Variants in DENND3 observed in about 807,000 individuals in gnomAD.
DENND3 encodes DENN domain containing 3.
DENND3 carries 88 observed loss-of-function variants against 135.1 expected under a neutral mutation model. The ratio of observed to expected loss-of-function variants is 0.65; its 90% CI spans 0.55 to 0.78. The LOEUF (loss-of-function observed/expected upper bound fraction) is 0.78. Among genes scored for constraint, DENND3 ranks in the 30% least tolerant of loss-of-function variants. The pLI is 0.00. For missense variants in DENND3, 1,392 were observed against 1,688.4 expected (o/e 0.82, Z 3.08); for synonymous variants, 693 against 712.3 (o/e 0.97, Z 0.43).
intron 16 of DENND3, among the ~76,000 whole-genome samples, chr8:141,178,778 G>A (rs1822724408): frequency 1.3e-5 from 2 of 152,186 alleles, no homozygotes; most frequent in African/African-American, 4.8e-5. Flanking sequence ...TCTGGCTCTC[G>A]CATTCTGGAA....
chr8:141,151,553 G>T, intron 6 of DENND3, 66 bp from the exon 7 acceptor site: 1 of 1,483,280 alleles, frequency 6.7e-7, no homozygotes, highest in South Asian at 1.2e-5. Context: ...GCAACACAGC[G>T]AGACCCTGTC....
chr8:141,173,916 A>G (rs915759735), intron 13 of DENND3, among the ~76,000 whole-genome samples: 33 of 152,160 alleles, frequency 2.2e-4, no homozygotes, highest in African/African-American at 7.7e-4. Flanking sequence ...GTGGGACCCC[A>G]TATAGAGTGG....
At chr8:141,193,941 C>T in intron 22 of DENND3, 92 bp from the exon 23 acceptor site, 1 of 1,363,322 alleles carries the variant, frequency 7.3e-7, no homozygotes, top group Non-Finnish European at 1.0e-6. Flanking sequence ...GATTTGGAGG[C>T]ACACGCGTCA....
chr8:141,160,047 G>C (rs1819933378), intron 8 of DENND3, among the ~76,000 whole-genome samples: 1 of 152,242 alleles, frequency 6.6e-6, no homozygotes, highest in South Asian at 2.1e-4. Context: ...GACCTAGAAG[G>C]GGGAGTGCCC....
At chr8:141,151,546 A>T in intron 6 of DENND3, 73 bp from the exon 7 acceptor site, 4 of 1,442,572 alleles carry the variant, frequency 2.8e-6, no homozygotes, top group Non-Finnish European at 3.9e-6. Context: ...GGGCTGGGCA[A>T]CACAGCGAGA....
At chr8:141,132,290 G>A (rs933906907) in intron 1 of DENND3, among the ~76,000 whole-genome samples, 1 of 152,168 alleles carries the variant, frequency 6.6e-6, no homozygotes, top group African/African-American at 2.4e-5. Flanking sequence ...TCCACCCTGT[G>A]CAAAGTGTGT....
intron 18 of DENND3, chr8:141,188,638 C>T (rs1010673032): frequency 4.7e-6 from 1 of 214,066 alleles, no homozygotes; most frequent in Non-Finnish European, 9.2e-6. Flanking sequence ...GCATGGAGCT[C>T]CCTAAGCACA....
chr8:141,166,690 A>C lies in DENND3; in HGVS notation c.1753+301A>C, dbSNP rs892283864. ...TGTATGTGTGGATTGCATGTGTATA[A>C]ATACATATTTACACATCCACACGTG... On this transcript the variant is annotated intron_variant, in intron 12 of 22. Transcript: ENST00000519811. This position sits in a 1 kb window ranked among gnomAD's most constrained non-coding sequence, Gnocchi z 4.3. Among the ~76,000 whole-genome samples, 10 of 152,104 alleles carry C rather than the reference A, an allele frequency of 6.6e-5. No individual in the cohort carries two copies. The highest frequency in any genetic ancestry group is 2.4e-4 in the African/African-American group (10 of 41,406).
chr8:141,164,677 C>A (rs955685505), intron 10 of DENND3, among the ~76,000 whole-genome samples: 1 of 152,204 alleles, frequency 6.6e-6, no homozygotes, highest in Non-Finnish European at 1.5e-5. Flanking sequence ...CTTAGGGAGA[C>A]CCTGATGCAG....
intron 7 of DENND3, among the ~76,000 whole-genome samples, chr8:141,152,145 AC>A (rs1818864337): frequency 6.6e-6 from 1 of 151,848 alleles, no homozygotes; most frequent in Admixed American, 6.6e-5. Context: ...TACTGTTGTG[AC>A]CCCTCTGTGA....
At chr8:141,185,049 C>T in intron 17 of DENND3, 90 bp from the exon 18 acceptor site, 1 of 1,520,686 alleles carries the variant, frequency 6.6e-7, no homozygotes, top group Non-Finnish European at 8.9e-7. Flanking sequence ...CTTAGGAGGG[C>T]CCAGGAGGCA....
chr8:141,136,482 A>G (rs1424294929), intron 1 of DENND3, 27 bp from the exon 2 acceptor site: 3 of 1,524,912 alleles, frequency 2.0e-6, no homozygotes, highest in South Asian at 1.2e-5. Context: ...AGGCTGTGGC[A>G]GTAACTCTTA....
rs188273728 is a variant in DENND3 at position 141,174,936 on chromosome 8, C to T, written c.2276-264C>T. 6.6e-5 allele frequency among the ~76,000 whole-genome samples: 10 copies of T among 152,314 alleles called. No individual in the cohort carries two copies. In the East Asian group the frequency reaches 7.7e-4, roughly 12 times the overall value. On this transcript the variant is annotated intron_variant, in intron 13 of 22. Coordinates refer to ENST00000519811, the MANE Select transcript of DENND3 (RefSeq NM_001352890.3). This position sits in a 1 kb window ranked among gnomAD's most constrained non-coding sequence, Gnocchi z 4.6. ...TGCTGTGACTACCTGAAGCAGGTCC[C>T]GTGGCCATCCCAGAGCGGGCGGCTG...
chr8:141,181,960 T>C (rs1823180569), intron 17 of DENND3, among the ~76,000 whole-genome samples: 1 of 151,982 alleles, frequency 6.6e-6, no homozygotes, highest in Non-Finnish European at 1.5e-5. Flanking sequence ...AACCAGGTGA[T>C]TTTAAAAATT....
rs760101212 is a variant in DENND3, at chr8:141,165,267, G to A, written c.1531G>A (p.Asp511Asn). Residue 511 changes from aspartate (D) to asparagine (N), a missense_variant, in exon 11 of 23, where the codon GAC becomes AAC. Coordinates refer to ENST00000519811, the MANE Select transcript of DENND3 (RefSeq NM_001352890.3). ...RMDAFAQMDL[D>N]TQSEEDRING... ...GGACGCCTTTGCTCAGATGGACCTC[G>A]ACACCCAGTCGGAGGAGGACAGGTG... The A allele has an allele frequency of 3.7e-6, 6 of 1,614,104 alleles. No individual in the cohort carries two copies. Among genetic ancestry groups the A allele is most frequent in the South Asian group, 2.2e-5 (2 of 91,068 alleles).
chr8:141,151,303 G>A (rs307745), intron 6 of DENND3, among the ~76,000 whole-genome samples: 8,816 of 152,222 alleles, frequency 0.058, 861 homozygotes, highest in African/African-American at 0.2. Flanking sequence ...GCTCATGCCT[G>A]TAATCCCAGT....
At chr8:141,187,965 T>C (rs1056204536) in intron 18 of DENND3, among the ~76,000 whole-genome samples, 1 of 151,762 alleles carries the variant, frequency 6.6e-6, no homozygotes, top group African/African-American at 2.4e-5. Context: ...AGCAGGAGGA[T>C]TGCTTGAGTC....
intron 18 of DENND3, among the ~76,000 whole-genome samples, chr8:141,186,606 G>A (rs1373185189): frequency 6.6e-6 from 1 of 152,198 alleles, no homozygotes; most frequent in African/African-American, 2.4e-5. Context: ...TTCTTCCACT[G>A]TGGCTCAGGG....
At position 141,157,593 on chromosome 8, in the gene DENND3, C is replaced by G. The variant is rs759882502; in HGVS notation, c.1196+1623C>G. 9.8e-5 allele frequency: 97 copies of G among 985,902 alleles called. 1 individual carries two copies. In the Middle Eastern group the frequency reaches 3.1e-3, roughly 32 times the overall value. The allele number at this position is 985,902 out of a possible 1,614,324, so 61.1% of individuals were successfully genotyped here. On this transcript the variant is annotated intron_variant, in intron 8 of 22. Transcript: ENST00000519811. ...AGTCTGGATTTCAGTCAGCCATCAC[C>G]TTTCTTCTCTTCGCCTTCCTTTGTC...
Sources: gnomAD v4.1 joint callset for allele counts (sites outside exome capture counted in the v4.1 genomes callset) on GRCh38, gnomAD v4.1.1 for gene constraint, Gnocchi (gnomAD v3.1) non-coding constraint, MANE v1.5 for transcripts, NCBI Gene and HGNC (gene_info 2026-07-23, HGNC 2026-07-21) for gene names.